PASD1: variants seen among roughly 807,000 people sequenced by gnomAD.
The protein encoded by PASD1 is PAS domain containing repressor 1, also known as circadian clock protein PASD1.
In PASD1, 13 loss-of-function variants were observed where a neutral mutation model predicts 58.8. The observed-to-expected ratio is 0.22, with a 90% CI of 0.14 to 0.35. The LOEUF is 0.35. Among genes scored for constraint, PASD1 ranks in the 10% least tolerant of loss-of-function variants. The pLI is 1.00. For missense variants in PASD1, 734 were observed against 568.3 expected, an observed-to-expected ratio of 1.29 and a Z score of -2.96; for synonymous variants, 236 against 216.7, an observed-to-expected ratio of 1.09 and a Z score of -0.78.
At chrX:151,570,772 T>C (rs1339935975) in intron 1 of PASD1, among the ~76,000 whole-genome samples, 1 of 112,414 alleles carries the variant, frequency 8.9e-6, no homozygotes, top group Non-Finnish European at 1.9e-5. Context: ...CTGCTTCTTA[T>C]GTGGTAAGCT....
chrX:151,601,471 C>A, intron 1 of PASD1, 56 bp from the exon 2 acceptor site: 1 of 938,444 alleles, frequency 1.1e-6, no homozygotes, highest in Non-Finnish European at 1.5e-6. Context: ...TATTGCTTTA[C>A]TGTGATTCAC....
intron 11 of PASD1, 51 bp from the exon 12 acceptor site, chrX:151,670,987 T>C (rs749864124): frequency 3.9e-5 from 45 of 1,147,781 alleles, no homozygotes; most frequent in Non-Finnish European, 5.0e-5. Context: ...TGGTAAGACT[T>C]GGAGAAACCA....
At chrX:151,659,073 G>A (rs1351172197) in intron 9 of PASD1, among the ~76,000 whole-genome samples, 1 of 112,398 alleles carries the variant, frequency 8.9e-6, no homozygotes, top group Admixed American at 9.4e-5. Flanking sequence ...ACACTATCCA[G>A]TGAGAACATT....
intron 1 of PASD1, among the ~76,000 whole-genome samples, chrX:151,569,562 C>T (rs771894309): frequency 8.9e-6 from 1 of 111,851 alleles, no homozygotes; most frequent in South Asian, 3.7e-4. Context: ...TTTTTTTATA[C>T]ATTCCATAAG....
chrX:151,672,076 A>T, intron 13 of PASD1, 107 bp from the exon 14 acceptor site: 1 of 1,072,410 alleles, frequency 9.3e-7, no homozygotes. Context: ...GAGAGGCTCA[A>T]CTGTTGTCAC....
At chrX:151,653,261 C>T (rs1219074868) in intron 9 of PASD1, among the ~76,000 whole-genome samples, 1 of 107,595 alleles carries the variant, frequency 9.3e-6, no homozygotes, top group African/African-American at 3.4e-5. Context: ...GGTGCCGTCT[C>T]GGCTCACTGC....
At position 151,672,330 on chromosome X, in the gene PASD1, A is replaced by G. The variant is rs780123446; in HGVS notation, c.1585A>G (p.Lys529Glu). The change falls in exon 14 of 16, where the codon AAG becomes GAG. Residue 529 changes from lysine (K) to glutamate (E), a missense_variant. Lys to Glu is a moderately conservative substitution (Grantham distance 56). Transcript: ENST00000370357. ...GCTGCAGGAGCAGAAAATGCAGGAG[A>G]AGAAGAAGCTGCAGGAGCAGAGGCG... Reference protein sequence around the residue: ...KKLQEQKMQEKKKLQEQRRQK... With the variant: ...KKLQEQKMQEEKKLQEQRRQK... 20 of 1,174,906 alleles carry G rather than the reference A, an allele frequency of 1.7e-5. No homozygotes were observed. Among genetic ancestry groups the G allele is most frequent in the African/African-American group, 3.6e-5 (2 of 56,144 alleles).
chrX:151,649,167 T>C (rs147125141), intron 9 of PASD1, among the ~76,000 whole-genome samples: 3,082 of 111,909 alleles, frequency 0.028, 96 homozygotes, highest in African/African-American at 0.094. Context: ...CCCTCAGTGA[T>C]CTGATGAAAC....
At chrX:151,663,089 T>C (rs1316732440) in intron 10 of PASD1, among the ~76,000 whole-genome samples, 1 of 112,155 alleles carries the variant, frequency 8.9e-6, no homozygotes, top group Non-Finnish European at 1.9e-5. Context: ...AAATTCACTC[T>C]TTGATATATA....
Position 151,637,683 on chromosome X carries a change from T to A in PASD1, c.630-10932T>A, listed in dbSNP as rs539233678. Among the ~76,000 whole-genome samples the A allele has an allele frequency of 1.1e-4, 12 of 111,776 alleles. No individual in the cohort carries two copies. In the South Asian group the frequency reaches 4.5e-3, roughly 42 times the overall value. On this transcript the variant is annotated intron_variant, in intron 8 of 15. Transcript: ENST00000370357. ...CACCCAGCTTGTATGGGAGTTATTA[T>A]TGCTTCACTTCCTCCTGAGTGCTAG...
At position 151,638,879 on chromosome X, in the gene PASD1, C is replaced by T. The variant is rs1281647375; in HGVS notation, c.630-9736C>T. 3.6e-5 allele frequency among the ~76,000 whole-genome samples: 4 copies of T among 111,237 alleles called. No individual in the cohort carries two copies. In the South Asian group the frequency reaches 1.5e-3, roughly 43 times the overall value. ...TTTTTATAAGGTGTGAGATTTAGGT[C>T]AAAGTTCATTGTTTTTGGTATATGG... On this transcript the variant is annotated intron_variant, in intron 8 of 15. Transcript: ENST00000370357.
At chrX:151,641,904 A>G (rs1266913362) in intron 8 of PASD1, among the ~76,000 whole-genome samples, 1 of 111,691 alleles carries the variant, frequency 9.0e-6, no homozygotes, top group Non-Finnish European at 1.9e-5. Context: ...GTAATAAATT[A>G]CTCTGCTGGA....
At chrX:151,655,036 A>G (rs1486165644) in intron 9 of PASD1, among the ~76,000 whole-genome samples, 1 of 108,396 alleles carries the variant, frequency 9.2e-6, no homozygotes, top group African/African-American at 3.4e-5. Context: ...CTGGTGTGTG[A>G]TGTTCCCCTT....
intron 1 of PASD1, among the ~76,000 whole-genome samples, chrX:151,599,465 G>A (rs1247612728): frequency 2.8e-5 from 3 of 108,065 alleles, no homozygotes; most frequent in Admixed American, 1.9e-4. Context: ...GCCACCTCCC[G>A]GACTGGGCGG....
chrX:151,656,950 A>G (rs778862523), intron 9 of PASD1, among the ~76,000 whole-genome samples: 13 of 111,859 alleles, frequency 1.2e-4, no homozygotes, highest in African/African-American at 3.9e-4. Flanking sequence ...TTCAAAGGGA[A>G]AGCCTCCGGT....
At chrX:151,566,275 C>T (rs1048295353) in intron 1 of PASD1, among the ~76,000 whole-genome samples, 8 of 112,250 alleles carry the variant, frequency 7.1e-5, no homozygotes, top group African/African-American at 2.6e-4. Context: ...ATAAGAAACC[C>T]AGACACTGGA....
At chrX:151,626,036 A>T (rs1443013262) in intron 8 of PASD1, among the ~76,000 whole-genome samples, 3 of 112,233 alleles carry the variant, frequency 2.7e-5, no homozygotes, top group Admixed American at 1.9e-4. Flanking sequence ...ACAGAATGTA[A>T]ATACAGGTGA....
intron 1 of PASD1, among the ~76,000 whole-genome samples, chrX:151,568,661 A>G (rs1197930391): frequency 9.0e-6 from 1 of 111,572 alleles, no homozygotes; most frequent in Non-Finnish European, 1.9e-5. Flanking sequence ...CACTTGCTGC[A>G]ATATTTGTTG....
At chrX:151,574,318 C>T (rs893465274) in intron 1 of PASD1, among the ~76,000 whole-genome samples, 4 of 112,180 alleles carry the variant, frequency 3.6e-5, no homozygotes, top group Non-Finnish European at 7.5e-5. Flanking sequence ...TGAGCTTCTG[C>T]CCTGTGCTGG....
Sources: gnomAD v4.1 joint callset for allele counts (sites outside exome capture counted in the v4.1 genomes callset) on GRCh38, gnomAD v4.1.1 for gene constraint, MANE v1.5 for transcripts, NCBI Gene and HGNC (gene_info 2026-07-23, HGNC 2026-07-21) for gene names.